Variants in CFAP206 observed in about 807,000 individuals in gnomAD.
CFAP206 encodes cilia and flagella associated protein 206.
CFAP206 carries 53 observed loss-of-function variants against 65.4 expected under a neutral mutation model. The ratio of observed to expected loss-of-function variants is 0.81; its 90% CI spans 0.65 to 1.02. The LOEUF (loss-of-function observed/expected upper bound fraction) is 1.02, where lower values mean the gene tolerates loss of function less well. Ranked by LOEUF, CFAP206 falls within the 50% of genes least tolerant of loss-of-function variation. The probability of loss-of-function intolerance (pLI) is 0.00; values close to 1 mark genes in which losing one functional copy is unlikely to be tolerated. For missense variants in CFAP206, 663 were observed against 753.2 expected (o/e 0.88, Z 1.40); for synonymous variants, 250 against 254.4 (o/e 0.98, Z 0.17).
intron 10 of CFAP206, among the ~76,000 whole-genome samples, chr6:87,433,753 AATG>A (rs1277775586): frequency 1.3e-5 from 2 of 152,238 alleles, no homozygotes; most frequent in Non-Finnish European, 2.9e-5. Flanking sequence ...TATAAATTAA[AATG>A]ATAATTATAA....
intron 7 of CFAP206, chr6:87,425,987 G>C: frequency 6.4e-6 from 1 of 157,316 alleles, no homozygotes; most frequent in Non-Finnish European, 1.4e-5. Flanking sequence ...TGAACTCTAT[G>C]ACAGGGTCTT....
At chr6:87,425,939 T>C in intron 7 of CFAP206, 1 of 160,444 alleles carries the variant, frequency 6.2e-6, no homozygotes, top group East Asian at 1.6e-4. Flanking sequence ...CTCAACCTCA[T>C]CTTCCAATTC....
At chr6:87,440,742 A>C (rs1005580162) in intron 11 of CFAP206, among the ~76,000 whole-genome samples, 46 of 152,208 alleles carry the variant, frequency 3.0e-4, no homozygotes, top group African/African-American at 1.1e-3. Flanking sequence ...AAATTCTGGC[A>C]GCAATGTAAT....
intron 7 of CFAP206, chr6:87,425,990 A>G (rs728582): frequency 0.26 from 40,974 of 155,986 alleles, 5,699 homozygotes; most frequent in Admixed American, 0.38. Flanking sequence ...ACTCTATGAC[A>G]GGGTCTTCAA....
At chr6:87,439,601 G>A in intron 11 of CFAP206, among the ~76,000 whole-genome samples, 1 of 151,688 alleles carries the variant, frequency 6.6e-6, no homozygotes. Flanking sequence ...TTCATGTCTT[G>A]TTTAAGAAGT....
chr6:87,425,739 G>A (rs1169608512), intron 7 of CFAP206: 1 of 152,158 alleles, frequency 6.6e-6, no homozygotes, highest in Admixed American at 6.5e-5. Flanking sequence ...AAAATATACA[G>A]TTAATATATG....
At chr6:87,450,895 G>C (rs576768172) in intron 11 of CFAP206, among the ~76,000 whole-genome samples, 1 of 152,282 alleles carries the variant, frequency 6.6e-6, no homozygotes, top group East Asian at 1.9e-4. Flanking sequence ...TGGAGGGAGA[G>C]CAAAGTGATT....
chr6:87,464,080 G>A lies in CFAP206; in HGVS notation c.1699G>A (p.Glu567Lys). ...VQTDLSHLRR[E>K]NCSQVYPPKD... Reference sequence around the variant, plus strand: ...AACTGATCTTAGTCACTTGAGAAGAGAAAATTGTTCCCAAGTGTACCCTCC... The same window carrying A: ...AACTGATCTTAGTCACTTGAGAAGAAAAAATTGTTCCCAAGTGTACCCTCC... The change falls in exon 13 of 13, where the codon GAA (glutamate) becomes AAA (lysine). Residue 567 changes from glutamate to lysine, a missense_variant. Physicochemically the swap from Glu to Lys is moderately conservative, Grantham distance 56. Coordinates refer to ENST00000369562, the MANE Select transcript of CFAP206 (RefSeq NM_001031743.3). 6.2e-7 allele frequency: 1 copy of A among 1,614,144 alleles called. No individual in the cohort carries two copies. Among genetic ancestry groups the A allele is most frequent in the East Asian group, 2.2e-5 (1 of 44,880 alleles).
chr6:87,462,672 T>C (rs1246689159), intron 12 of CFAP206, among the ~76,000 whole-genome samples: 4 of 152,104 alleles, frequency 2.6e-5, no homozygotes, highest in African/African-American at 9.7e-5. Flanking sequence ...CTGGATAGGA[T>C]AGGAGAGATA....
chr6:87,442,738 C>T (rs898837449), intron 11 of CFAP206, among the ~76,000 whole-genome samples: 3 of 152,114 alleles, frequency 2.0e-5, no homozygotes, highest in African/African-American at 7.2e-5. Flanking sequence ...TTGAGATGAT[C>T]GTTTGGCCTT....
At chr6:87,450,906 G>A (rs1337630093) in intron 11 of CFAP206, among the ~76,000 whole-genome samples, 2 of 152,168 alleles carry the variant, frequency 1.3e-5, no homozygotes, top group African/African-American at 2.4e-5. Context: ...CAAAGTGATT[G>A]TTAGGACTTT....
intron 4 of CFAP206, among the ~76,000 whole-genome samples, chr6:87,414,912 A>C (rs967335845): frequency 2.0e-5 from 3 of 152,222 alleles, no homozygotes; most frequent in Non-Finnish European, 4.4e-5. Context: ...TTTGTTATTT[A>C]AACATATTTT....
At chr6:87,463,361 C>T (rs1294582250) in intron 12 of CFAP206, among the ~76,000 whole-genome samples, 1 of 152,212 alleles carries the variant, frequency 6.6e-6, no homozygotes, top group Non-Finnish European at 1.5e-5. Flanking sequence ...ATCTCAAACT[C>T]TGAAATGTTT....
At chr6:87,411,913 C>T (rs1253266284) in intron 3 of CFAP206, among the ~76,000 whole-genome samples, 1 of 152,064 alleles carries the variant, frequency 6.6e-6, no homozygotes, top group Non-Finnish European at 1.5e-5. Flanking sequence ...AAAAACATAA[C>T]AGATATTGGT....
At chr6:87,424,604 T>C (rs1768005254) in intron 7 of CFAP206, among the ~76,000 whole-genome samples, 1 of 152,220 alleles carries the variant, frequency 6.6e-6, no homozygotes. Context: ...ATTCAGTGTT[T>C]AGCAACTTAT....
rs542071458 is a variant in CFAP206, at chr6:87,416,708, C to T, written c.512C>T (p.Thr171Ile). ...QSVFPQAELG[T>I]FLTLSKKDKE... ...GTTTTTCCTCAGGCAGAGCTTGGGA[C>T]ATTTCTAACTCTTTCTAAGAAGGAC... The change falls in exon 6 of 13, where the codon ACA becomes ATA. Residue 171 changes from threonine to isoleucine, a missense_variant. Thr to Ile is a moderately conservative substitution (Grantham distance 89). Coordinates refer to ENST00000369562, the MANE Select transcript of CFAP206 (RefSeq NM_001031743.3). 32 of 1,612,660 alleles carry T rather than the reference C, an allele frequency of 2.0e-5. No individual in the cohort carries two copies. In the South Asian group the frequency reaches 3.2e-4, roughly 16 times the overall value.
rs1768742124 is a variant in CFAP206 at position 87,461,178 on chromosome 6, A to G, written c.1638+13A>G. 6.6e-7 allele frequency: 1 copy of G among 1,512,160 alleles called. No individual in the cohort carries two copies. Among genetic ancestry groups the G allele is most frequent in the East Asian group, 2.5e-5 (1 of 39,956 alleles). The allele number at this position is 1,512,160 out of a possible 1,614,324, so 93.7% of individuals were successfully genotyped here. On this transcript the variant is annotated intron_variant, in intron 12 of 12. Coordinates refer to ENST00000369562, the MANE Select transcript of CFAP206 (RefSeq NM_001031743.3). ...AGCTATAAAATTGGTTTGTAACAATACTTTCTAGAATTATTTATATGTTGG... is the reference window on the plus strand; with the variant it reads ...AGCTATAAAATTGGTTTGTAACAATGCTTTCTAGAATTATTTATATGTTGG...
chr6:87,445,122 T>G, intron 11 of CFAP206: 1 of 420,630 alleles, frequency 2.4e-6, no homozygotes, highest in Non-Finnish European at 4.6e-6. Flanking sequence ...AGCCACTTTC[T>G]TATCATTTGC....
At chr6:87,462,561 G>GT (rs751638370) in intron 12 of CFAP206, among the ~76,000 whole-genome samples, 1 of 152,154 alleles carries the variant, frequency 6.6e-6, no homozygotes, top group Non-Finnish European at 1.5e-5. Context: ...CTTGTAAGTG[G>GT]TGTAACAGAA....
Sources: gnomAD v4.1 joint callset for allele counts (sites outside exome capture counted in the v4.1 genomes callset) on GRCh38, gnomAD v4.1.1 for gene constraint, MANE v1.5 for transcripts, NCBI Gene and HGNC (gene_info 2026-07-23, HGNC 2026-07-21) for gene names.